HTT: variants seen among roughly 807,000 people sequenced by gnomAD.
HTT encodes the protein huntingtin, also known as huntington disease protein.
A neutral mutation model predicts 362.3 loss-of-function variants in HTT; 104 were observed. That is an observed-to-expected ratio of 0.29 (90% CI 0.24 to 0.34). The LOEUF (loss-of-function observed/expected upper bound fraction) is 0.34, where lower values mean the gene tolerates loss of function less well. HTT is among the 10% of genes least tolerant of loss of function. The probability of loss-of-function intolerance (pLI) is 1.00; values close to 1 mark genes in which losing one functional copy is unlikely to be tolerated. For synonymous variants in HTT, 1,577 were observed against 1,548.7 expected, an observed-to-expected ratio of 1.02 and a Z score of -0.43; for missense variants, 3,301 against 3,928.6, an observed-to-expected ratio of 0.84 and a Z score of 4.27.
At chr4:3,092,756 A>C (rs1372491522) in intron 2 of HTT, among the ~76,000 whole-genome samples, 1 of 152,232 alleles carries the variant, frequency 6.6e-6, no homozygotes, top group African/African-American at 2.4e-5. Flanking sequence ...ATAATGAAAG[A>C]TTTTTGCTTC....
chr4:3,233,873 A>C (rs1721387036), intron 61 of HTT, among the ~76,000 whole-genome samples: 1 of 152,212 alleles, frequency 6.6e-6, no homozygotes, highest in Admixed American at 6.5e-5. Context: ...GATGTCTTAC[A>C]AGCGCAGAGG....
intron 3 of HTT, among the ~76,000 whole-genome samples, chr4:3,100,732 G>T (rs760739711): frequency 6.6e-6 from 1 of 152,084 alleles, no homozygotes; most frequent in African/African-American, 2.4e-5. Flanking sequence ...GGACCAGGGC[G>T]GTCTGTCTTT....
intron 38 of HTT, among the ~76,000 whole-genome samples, chr4:3,187,197 C>G (rs572908630): frequency 6.6e-6 from 1 of 151,564 alleles, no homozygotes; most frequent in East Asian, 1.9e-4. Context: ...GCTCTGTCAC[C>G]CAGGCTGGAG....
rs560525346 is a variant in HTT, at chr4:3,180,630, G to A, written c.4728G>A (p.Leu1576=). The A allele has an allele frequency of 6.2e-7, 1 of 1,613,620 alleles. No homozygotes were observed. The highest frequency in any genetic ancestry group is 2.2e-5 in the East Asian group (1 of 44,872). The change falls in exon 36 of 67, where the codon CTG becomes CTA. Residue 1576 remains leucine (L), a synonymous_variant. Transcript: ENST00000355072. Reference sequence around the variant, plus strand: ...AAGAGGTGGTGGTGTCAATGTTACTGAGACTCATCCAGTACCATCAGGTAA... The same window carrying A: ...AAGAGGTGGTGGTGTCAATGTTACTAAGACTCATCCAGTACCATCAGGTAA... ...TQKEVVVSML[L]RLIQYHQVLE...
intron 45 of HTT, among the ~76,000 whole-genome samples, chr4:3,208,533 A>AAACTG (rs1195519003): frequency 5.3e-5 from 8 of 152,254 alleles, no homozygotes; most frequent in African/African-American, 1.9e-4. Context: ...AATGGAGTAC[A>AAACTG]AACTGTGATA....
At chr4:3,236,003 T>A in intron 63 of HTT, 146 bp from the exon 64 acceptor site, 3 of 737,276 alleles carry the variant, frequency 4.1e-6, no homozygotes, top group East Asian at 2.6e-5. Context: ...GTGGCTGAGC[T>A]GGGCTGGGTC....
intron 1 of HTT, among the ~76,000 whole-genome samples, chr4:3,085,026 AAAAT>A (rs1334134935): frequency 2.6e-5 from 4 of 151,596 alleles, no homozygotes; most frequent in South Asian, 4.2e-4. Context: ...GGGAAAAAAA[AAAAT>A]AAATAAATAG....
At position 3,217,852 on chromosome 4, in the gene HTT, A is replaced by G; in HGVS notation, c.7142A>G (p.Asn2381Ser). The change falls in exon 52 of 67, where the codon AAT becomes AGT. Residue 2381 changes from asparagine (N) to serine (S), a missense_variant. By Grantham distance (46) the Asn-to-Ser change is conservative. This residue lies in a region of HTT where 753 missense variants were observed against 1,021.3 expected (regional missense o/e 0.74). Coordinates refer to ENST00000355072, the MANE Select transcript of HTT (RefSeq NM_001388492.1). ...QSVLALGHKR[N>S]SGVPAFLTPL... is the part of the protein sequence containing the mutation. ...GTGTTGGCCTTGGGTCATAAAAGGAATAGCGGCGTGCCGGCGTTTCTCACG... is the reference window on the plus strand; with the variant it reads ...GTGTTGGCCTTGGGTCATAAAAGGAGTAGCGGCGTGCCGGCGTTTCTCACG... 6.2e-7 allele frequency: 1 copy of G among 1,614,216 alleles called. No individual in the cohort carries two copies. The highest frequency in any genetic ancestry group is 8.5e-7 in the Non-Finnish European group (1 of 1,180,000).
At chr4:3,209,031 G>A (rs960743650) in intron 46 of HTT, 120 bp downstream of exon 46, 22 of 1,123,242 alleles carry the variant, frequency 2.0e-5, no homozygotes, top group African/African-American at 7.9e-5. Context: ...CGCTCGGCTC[G>A]GCTCAGTGAA....
Position 3,125,424 on chromosome 4 carries a change from A to G in HTT, c.1322-125A>G, listed in dbSNP as rs191482723. 3.6e-4 allele frequency: 216 copies of G among 596,460 alleles called. No individual in the cohort carries two copies. In the African/African-American group the frequency reaches 3.8e-3, roughly 10 times the overall value. 36.9% of individuals were successfully genotyped at this position (596,460 alleles called of 1,614,324 possible). Reference sequence around the variant, plus strand: ...TGTGGAGGTATAAAAATACTTATATATGATGATAAACTATATTAGAGTAAA... The same window carrying G: ...TGTGGAGGTATAAAAATACTTATATGTGATGATAAACTATATTAGAGTAAA... On this transcript the variant is annotated intron_variant, in intron 10 of 66. Coordinates refer to ENST00000355072, the MANE Select transcript of HTT (RefSeq NM_001388492.1).
Position 3,131,711 on chromosome 4 carries a change from C to T in HTT, c.2172C>T (p.Ala724=). 1 of 1,613,972 alleles carries T rather than the reference C, an allele frequency of 6.2e-7. No individual in the cohort carries two copies. Among genetic ancestry groups the T allele is most frequent in the South Asian group, 1.1e-5 (1 of 91,070 alleles). ...TCAGCTGTGTGGGAGCAGCTGTGGC[C>T]CTCCACCCGGAATCTTTCTTCAGCA... The part of the protein sequence containing the change: ...LALSCVGAAV[A]LHPESFFSKL... The change falls in exon 16 of 67, where the codon GCC becomes GCT. Residue 724 remains alanine, a synonymous_variant. Transcript: ENST00000355072.
chr4:3,174,626 T>C, intron 31 of HTT, 95 bp from the exon 32 acceptor site: 1 of 920,434 alleles, frequency 1.1e-6, no homozygotes, highest in South Asian at 1.4e-5. Context: ...ATCGTGTGAA[T>C]GTGAAATTGG....
intron 1 of HTT, among the ~76,000 whole-genome samples, chr4:3,075,993 G>A (rs1335458229): frequency 3.9e-5 from 6 of 152,174 alleles, no homozygotes; most frequent in South Asian, 2.1e-4. Flanking sequence ...GTTAATTGCC[G>A]AGGGATGAAT....
chr4:3,227,163 C>T (rs569054944), intron 57 of HTT, among the ~76,000 whole-genome samples: 32 of 152,342 alleles, frequency 2.1e-4, no homozygotes, highest in Middle Eastern at 3.4e-3. Flanking sequence ...TTGTGTCCAG[C>T]GTCCGCAAAC....
At chr4:3,076,188 AAGAG>A (rs761255173) in intron 1 of HTT, among the ~76,000 whole-genome samples, 9 of 152,172 alleles carry the variant, frequency 5.9e-5, no homozygotes, top group Non-Finnish European at 1.3e-4. Flanking sequence ...GAAACAGGAA[AAGAG>A]AGACCATTAA....
chr4:3,218,717 T>G lies in HTT; in HGVS notation c.7242+765T>G, dbSNP rs1221578744. The stretch of plus-strand genomic sequence containing the variant: ...TTAGCTTGAGGAGAGTGAGGGTTGA[T>G]GGAGGGGGACTGACTTCTGCCCAGT... On this transcript the variant is annotated intron_variant, in intron 52 of 66. Coordinates refer to ENST00000355072, the MANE Select transcript of HTT (RefSeq NM_001388492.1). The surrounding 1 kb of genome is among the most constrained non-coding windows in gnomAD (Gnocchi z 4.4). Among the ~76,000 whole-genome samples the G allele has an allele frequency of 6.6e-6, 1 of 152,016 alleles. No individual in the cohort carries two copies. The highest frequency in any genetic ancestry group is 1.5e-5 in the Non-Finnish European group (1 of 68,008).
chr4:3,239,195 G>A (rs1721689874), intron 66 of HTT, among the ~76,000 whole-genome samples: 1 of 152,210 alleles, frequency 6.6e-6, no homozygotes, highest in Admixed American at 6.5e-5. Flanking sequence ...GCCGGTGTAT[G>A]GCAGGAGGGT....
intron 40 of HTT, 63 bp downstream of exon 40, chr4:3,189,156 A>C: frequency 6.6e-7 from 1 of 1,521,560 alleles, no homozygotes; most frequent in South Asian, 1.2e-5. Context: ...ATACACTCTC[A>C]GAGTGTAGGA....
chr4:3,170,863 G>C (rs1717941014), intron 29 of HTT, among the ~76,000 whole-genome samples: 1 of 152,162 alleles, frequency 6.6e-6, no homozygotes, highest in Non-Finnish European at 1.5e-5. Flanking sequence ...GGTAAACCCA[G>C]TCCCTCACCC....
Sources: gnomAD v4.1 joint callset for allele counts (sites outside exome capture counted in the v4.1 genomes callset) on GRCh38, gnomAD v4.1.1 for gene constraint, gnomAD v4.1.1 regional missense constraint, Gnocchi (gnomAD v3.1) non-coding constraint, MANE v1.5 for transcripts, NCBI Gene and HGNC (gene_info 2026-07-23, HGNC 2026-07-21) for gene names.